Variants in DOCK3 observed in about 807,000 individuals in gnomAD.
DOCK3 encodes dedicator of cytokinesis 3.
A neutral mutation model predicts 265.6 loss-of-function variants in DOCK3; 60 were observed. That is an observed-to-expected ratio of 0.23 (90% CI 0.18 to 0.28). The LOEUF is 0.28. Ranked by LOEUF, DOCK3 falls within the 10% of genes least tolerant of loss-of-function variation. The probability of loss-of-function intolerance (pLI) is 1.00; values close to 1 mark genes in which losing one functional copy is unlikely to be tolerated. For missense variants in DOCK3, 1,981 were observed against 2,594.3 expected (o/e 0.76, Z 5.14); for synonymous variants, 881 against 938.0 (o/e 0.94, Z 1.11).
In DOCK3 at chr3:51,134,050, G is replaced by A. The variant is rs1051268952; in HGVS notation, c.747-12499G>A. 5.9e-5 allele frequency among the ~76,000 whole-genome samples: 9 copies of A among 152,106 alleles called. No homozygotes were observed. In the East Asian group the frequency reaches 7.7e-4, roughly 13 times the overall value. On this transcript the variant is annotated intron_variant, in intron 9 of 52. Transcript: ENST00000266037. ...GTAGTGTTTGGTTTTCTGTTTCTGC[G>A]TTAGTTTGCTAAGAATGATGGCTTC...
At chr3:50,825,413 A>G (rs868400150) in intron 2 of DOCK3, among the ~76,000 whole-genome samples, 3 of 152,194 alleles carry the variant, frequency 2.0e-5, no homozygotes, top group Non-Finnish European at 4.4e-5. Flanking sequence ...GACTTTTAGC[A>G]CCAGATACCT....
At chr3:51,297,730 T>C (rs1404100384) in intron 27 of DOCK3, among the ~76,000 whole-genome samples, 2 of 151,886 alleles carry the variant, frequency 1.3e-5, no homozygotes, top group Admixed American at 6.6e-5. Context: ...AAGTCAGGAG[T>C]TGGAGACAAG....
intron 38 of DOCK3, among the ~76,000 whole-genome samples, chr3:51,343,429 A>G (rs2085363423): frequency 6.6e-6 from 1 of 152,194 alleles, no homozygotes; most frequent in Non-Finnish European, 1.5e-5. Flanking sequence ...ATCAAGGCTC[A>G]TCTATCTTGC....
At chr3:50,981,755 A>G (rs2077699571) in intron 5 of DOCK3, among the ~76,000 whole-genome samples, 1 of 152,184 alleles carries the variant, frequency 6.6e-6, no homozygotes, top group South Asian at 2.1e-4. Flanking sequence ...GATATAATGT[A>G]AGTATAGCTA....
In DOCK3 at chr3:51,380,217, T is replaced by G; in HGVS notation, c.5583+10T>G. On this transcript the variant is annotated intron_variant, in intron 52 of 52. Coordinates refer to ENST00000266037, the MANE Select transcript of DOCK3 (RefSeq NM_004947.5). Reference sequence around the variant, plus strand: ...CCGGACCCTGCGCAAGGTAATGTACTGAAGCGGCAGCCCCACCAGGCTGTG... The same window carrying G: ...CCGGACCCTGCGCAAGGTAATGTACGGAAGCGGCAGCCCCACCAGGCTGTG... The G allele has an allele frequency of 1.4e-6, 2 of 1,476,850 alleles. No homozygotes were observed. Among genetic ancestry groups the G allele is most frequent in the Non-Finnish European group, 9.3e-7 (1 of 1,080,918 alleles). 91.5% of individuals were successfully genotyped at this position (1,476,850 alleles called of 1,614,324 possible).
At chr3:51,119,089 T>G (rs368343085) in intron 9 of DOCK3, among the ~76,000 whole-genome samples, 38 of 152,366 alleles carry the variant, frequency 2.5e-4, no homozygotes, top group African/African-American at 8.9e-4. Context: ...TACATTTTGG[T>G]TTGTTTTGCA....
rs565372159 is a variant in DOCK3, at chr3:51,012,668, C to T, written c.316-51780C>T. 7.6e-4 allele frequency among the ~76,000 whole-genome samples: 115 copies of T among 152,130 alleles called. 2 individuals carry two copies. The Middle Eastern group carries it at 0.01, about 13-fold the overall frequency. ...CACCCACTGTCCTGCACCCACTGTC[C>T]GATAAGCCCCAATGAGATGAACCTG... On this transcript the variant is annotated intron_variant, in intron 5 of 52. Coordinates refer to ENST00000266037, the MANE Select transcript of DOCK3 (RefSeq NM_004947.5).
In DOCK3 at chr3:51,381,006, G is replaced by A; in HGVS notation, c.5584-44G>A. On this transcript the variant is annotated intron_variant, in intron 52 of 52. Transcript: ENST00000266037. The surrounding 1 kb of genome is among the most constrained non-coding windows in gnomAD (Gnocchi z 5.6). ...CTTCCTATGGCGGGCAAGTCAGCCT[G>A]TCTGGAGAGAGGGATTCTAACATGC... 2.6e-6 allele frequency: 4 copies of A among 1,542,164 alleles called. No individual in the cohort carries two copies. Among genetic ancestry groups the A allele is most frequent in the Non-Finnish European group, 3.5e-6 (4 of 1,144,372 alleles).
intron 3 of DOCK3, among the ~76,000 whole-genome samples, chr3:50,875,938 A>G (rs2047682349): frequency 6.6e-6 from 1 of 152,082 alleles, no homozygotes; most frequent in Non-Finnish European, 1.5e-5. Context: ...TTCATGATAT[A>G]TTGAACAAGA....
intron 5 of DOCK3, among the ~76,000 whole-genome samples, chr3:51,011,002 C>G (rs377121604): frequency 2.0e-5 from 3 of 152,140 alleles, no homozygotes; most frequent in Non-Finnish European, 4.4e-5. Context: ...GTTAGTCTGA[C>G]GGGCTTCCCT....
At chr3:51,356,939 C>T (rs767118586) in intron 43 of DOCK3, 23 bp from the exon 44 acceptor site, 1 of 1,600,854 alleles carries the variant, frequency 6.2e-7, no homozygotes, top group South Asian at 1.1e-5. Context: ...TCTGGGATGA[C>T]TCTGTGTGCT....
At chr3:50,837,355 A>G (rs1018326997) in intron 2 of DOCK3, among the ~76,000 whole-genome samples, 2 of 152,364 alleles carry the variant, frequency 1.3e-5, no homozygotes, top group East Asian at 1.9e-4. Flanking sequence ...ACAGTTCTGC[A>G]TGACTGGGGA....
At chr3:51,219,486 T>C (rs141600973) in intron 14 of DOCK3, among the ~76,000 whole-genome samples, 2 of 152,358 alleles carry the variant, frequency 1.3e-5, no homozygotes, top group Non-Finnish European at 2.9e-5. Context: ...TGTGTATTAC[T>C]TTTGAGTATT....
chr3:50,939,018 A>G (rs2051549645), intron 5 of DOCK3, among the ~76,000 whole-genome samples: 1 of 152,074 alleles, frequency 6.6e-6, no homozygotes, highest in Non-Finnish European at 1.5e-5. Flanking sequence ...ATAAAAGATT[A>G]ATAAAATTGA....
intron 2 of DOCK3, chr3:50,786,794 C>T (rs2042206522): frequency 1.3e-6 from 1 of 740,760 alleles, no homozygotes; most frequent in African/African-American, 1.7e-5. Context: ...CTGTTTGTGC[C>T]CAACGTGGAT....
intron 1 of DOCK3, among the ~76,000 whole-genome samples, chr3:50,745,650 G>T (rs1487004502): frequency 6.6e-6 from 1 of 152,182 alleles, no homozygotes; most frequent in African/African-American, 2.4e-5. Flanking sequence ...AGGTCCCCCT[G>T]CCTGTTCAGG....
At chr3:50,854,795 A>C (rs2046511101) in intron 3 of DOCK3, among the ~76,000 whole-genome samples, 1 of 151,556 alleles carries the variant, frequency 6.6e-6, no homozygotes, top group African/African-American at 2.4e-5. Context: ...ATCCGTGTTG[A>C]GTTAACTTTT....
chr3:51,022,876 G>A (rs2079654907), intron 5 of DOCK3, among the ~76,000 whole-genome samples: 1 of 152,120 alleles, frequency 6.6e-6, no homozygotes, highest in Admixed American at 6.6e-5. Context: ...AGAGGTAGGG[G>A]CCCAGTTTCA....
intron 1 of DOCK3, among the ~76,000 whole-genome samples, chr3:50,680,576 T>C (rs2034334660): frequency 6.9e-6 from 1 of 145,734 alleles, no homozygotes; most frequent in South Asian, 2.2e-4. Flanking sequence ...TTGTGTGCTA[T>C]GGCATGATCG....
Sources: allele counts gnomAD v4.1 joint callset (sites outside exome capture counted in the v4.1 genomes callset), GRCh38; gene constraint gnomAD v4.1.1; non-coding constraint Gnocchi (gnomAD v3.1); transcripts MANE v1.5; gene names NCBI Gene and HGNC (gene_info 2026-07-23, HGNC 2026-07-21).